ARAP2: variants seen among roughly 807,000 people sequenced by gnomAD.
ARAP2 encodes ArfGAP with RhoGAP domain, ankyrin repeat and PH domain 2.
In ARAP2, 148 loss-of-function variants were observed where a neutral mutation model predicts 194.5. The ratio of observed to expected loss-of-function variants is 0.76; its 90% CI spans 0.67 to 0.87. ARAP2 has a LOEUF of 0.87. Ranked by LOEUF, ARAP2 falls within the 40% of genes least tolerant of loss-of-function variation. The pLI, the probability that ARAP2 is intolerant of heterozygous loss-of-function variation, is 0.00. For synonymous variants in ARAP2, 695 were observed against 683.5 expected (o/e 1.02, Z -0.26); for missense variants, 2,128 against 1,989.7 (o/e 1.07, Z -1.32).
intron 27 of ARAP2, among the ~76,000 whole-genome samples, chr4:36,101,548 G>A (rs532658462): frequency 1.3e-5 from 2 of 151,946 alleles, no homozygotes; most frequent in African/African-American, 4.8e-5. Context: ...TTCAATGAAT[G>A]TATAATTTTC....
At chr4:36,106,781 C>T (rs1718527050) in intron 27 of ARAP2, among the ~76,000 whole-genome samples, 1 of 151,754 alleles carries the variant, frequency 6.6e-6, no homozygotes, top group Non-Finnish European at 1.5e-5. Context: ...TTAAAAAAAA[C>T]TTTAAATGAG....
chr4:36,165,032 A>G lies in ARAP2; in HGVS notation c.2055T>C (p.Tyr685=), dbSNP rs748279792. Residue 685 remains tyrosine, a synonymous_variant, in exon 11 of 33, where the codon TAT becomes TAC. Coordinates refer to ENST00000303965, the MANE Select transcript of ARAP2 (RefSeq NM_015230.4). ...QQSIAETLSD[Y]EVAEKIWFNE... is the part of the protein sequence containing the mutation. The stretch of plus-strand genomic sequence containing the variant: ...TGAACCAAATCTTCTCAGCTACTTC[A>G]TAATCAGAGAGAGTTTCTGCTATTG... 2 of 1,614,114 alleles carry G rather than the reference A, an allele frequency of 1.2e-6. No individual in the cohort carries two copies. Among genetic ancestry groups the G allele is most frequent in the East Asian group, 2.2e-5 (1 of 44,878 alleles).
chr4:36,033,651 A>G (rs1021221244), intron 5 of ARAP2, among the ~76,000 whole-genome samples: 10 of 151,982 alleles, frequency 6.6e-5, no homozygotes, highest in Admixed American at 2.6e-4. Flanking sequence ...CTTAAGTTTA[A>G]TTACATCCCA....
Position 36,228,973 on chromosome 4 carries a change from C to A in ARAP2, c.514G>T (p.Gly172Cys). The stretch of plus-strand genomic sequence containing the variant: ...GATTCTATTTTAATATTGTCACTAC[C>A]AAATAAAGAATCATTCAAAGAACCC... Reference protein sequence around the residue: ...NLGSLNDSLFGSDNIKIESLI... With the variant: ...NLGSLNDSLFCSDNIKIESLI... The change falls in exon 2 of 33, where the codon GGT (glycine) becomes TGT (cysteine). Residue 172 changes from glycine (G) to cysteine (C), a missense_variant. Coordinates refer to ENST00000303965, the MANE Select transcript of ARAP2 (RefSeq NM_015230.4). 6.2e-7 allele frequency: 1 copy of A among 1,614,012 alleles called. No homozygotes were observed. The highest frequency in any genetic ancestry group is 8.5e-7 in the Non-Finnish European group (1 of 1,179,992).
At chr4:36,082,416 C>T in intron 29 of ARAP2, 130 bp from the exon 30 acceptor site, 1 of 911,242 alleles carries the variant, frequency 1.1e-6, no homozygotes, top group East Asian at 2.7e-5. Context: ...AGTGGTGATT[C>T]AATGTGTTGG....
At chr4:36,164,250 C>A (rs1734775015) in intron 11 of ARAP2, among the ~76,000 whole-genome samples, 1 of 152,022 alleles carries the variant, frequency 6.6e-6, no homozygotes, top group Non-Finnish European at 1.5e-5. Context: ...GGGACACAGG[C>A]AGTCCAGGAT....
At position 36,220,937 on chromosome 4, in the gene ARAP2, G is replaced by A. The variant is rs1371934479; in HGVS notation, c.906-6457C>T. Reference sequence around the variant, plus strand: ...ATCTAGTGTAGCCTAAGTGTACAGGGTCTATAACGTCTACAGTGGTGTAAT... The same window carrying A: ...ATCTAGTGTAGCCTAAGTGTACAGGATCTATAACGTCTACAGTGGTGTAAT... On this transcript the variant is annotated intron_variant, in intron 2 of 32. Transcript: ENST00000303965. Among the ~76,000 whole-genome samples the A allele has an allele frequency of 5.3e-5, 8 of 151,968 alleles. 1 individual carries two copies. The highest frequency in any genetic ancestry group is 5.3e-4 in the Admixed American group (8 of 15,238).
At chr4:36,083,553 G>A (rs1345170350) in intron 28 of ARAP2, 103 bp from the exon 29 acceptor site, 2 of 801,456 alleles carry the variant, frequency 2.5e-6, no homozygotes, top group East Asian at 2.9e-5. Context: ...GTTTCTCAGT[G>A]TTTCATAAAA....
At chr4:36,232,197 G>A (rs1301207931) in intron 1 of ARAP2, among the ~76,000 whole-genome samples, 1 of 152,212 alleles carries the variant, frequency 6.6e-6, no homozygotes, top group East Asian at 1.9e-4. Context: ...CAGCAGCTGA[G>A]CTGACTAATA....
chr4:36,131,946 G>A (rs1725549692), intron 20 of ARAP2, among the ~76,000 whole-genome samples: 1 of 151,594 alleles, frequency 6.6e-6, no homozygotes, highest in Non-Finnish European at 1.5e-5. Flanking sequence ...AAATATGTGG[G>A]CCTTATGTAT....
intron 1 of ARAP2, among the ~76,000 whole-genome samples, chr4:36,242,514 G>A (rs1753713634): frequency 6.6e-6 from 1 of 152,106 alleles, no homozygotes; most frequent in South Asian, 2.1e-4. Flanking sequence ...CTATAACCCA[G>A]AATTCTACGT....
intron 21 of ARAP2, among the ~76,000 whole-genome samples, chr4:36,126,172 T>G (rs1404886751): frequency 2.0e-5 from 3 of 151,998 alleles, no homozygotes; most frequent in Non-Finnish European, 2.9e-5. Context: ...CCAAATTACA[T>G]TCAAAGACAT....
chr4:36,150,995 A>G lies in ARAP2; in HGVS notation c.2802T>C (p.Tyr934=), dbSNP rs753656770. 1 of 1,611,956 alleles carries G rather than the reference A, an allele frequency of 6.2e-7. No individual in the cohort carries two copies. Among genetic ancestry groups the G allele is most frequent in the Non-Finnish European group, 8.5e-7 (1 of 1,179,150 alleles). Residue 934 remains tyrosine, a synonymous_variant, in exon 16 of 33, where the codon TAT becomes TAC. Transcript: ENST00000303965. The part of the protein sequence containing the change: ...CVLEGGFLSY[Y]ENDKSTTPNG... ...TAGGTGTGGTAGACTTATCATTTTC[A>G]TAGTAACTCAAGAAGCCTCCTTCCA...
chr4:36,187,144 C>T (rs1373620671), intron 8 of ARAP2, among the ~76,000 whole-genome samples: 1 of 152,176 alleles, frequency 6.6e-6, no homozygotes, highest in Non-Finnish European at 1.5e-5. Context: ...ATCAAAACAA[C>T]ATCTCAAAGG....
chr4:36,076,964 G>A (rs1728394371), intron 31 of ARAP2, among the ~76,000 whole-genome samples: 11 of 152,064 alleles, frequency 7.2e-5, no homozygotes, highest in Admixed American at 7.2e-4. Context: ...AATTGACACA[G>A]GAGTTAAGAA....
intron 7 of ARAP2, among the ~76,000 whole-genome samples, chr4:36,190,933 A>G (rs1450187747): frequency 6.6e-6 from 1 of 152,246 alleles, no homozygotes; most frequent in Non-Finnish European, 1.5e-5. Context: ...TAAAATGGCA[A>G]TACAAGGCCA....
At chr4:36,154,797 G>GA (rs1731847597) in intron 15 of ARAP2, among the ~76,000 whole-genome samples, 2 of 152,208 alleles carry the variant, frequency 1.3e-5, no homozygotes, top group African/African-American at 4.8e-5. Context: ...GTCCTGACAA[G>GA]TGCTGATGGA....
intron 5 of ARAP2, among the ~76,000 whole-genome samples, chr4:36,021,264 TAA>T (rs2109339316): frequency 6.6e-6 from 1 of 152,266 alleles, no homozygotes; most frequent in African/African-American, 2.4e-5. Flanking sequence ...GCAAGAGTGT[TAA>T]GTGTACTAAA....
intron 26 of ARAP2, among the ~76,000 whole-genome samples, chr4:36,113,322 A>G (rs1258661254): frequency 1.3e-5 from 2 of 151,992 alleles, no homozygotes; most frequent in African/African-American, 4.8e-5. Flanking sequence ...ATAACATTGA[A>G]ACATTTTAAA....
Sources: allele counts gnomAD v4.1 joint callset (sites outside exome capture counted in the v4.1 genomes callset), GRCh38; gene constraint gnomAD v4.1.1; transcripts MANE v1.5; gene names NCBI Gene and HGNC (gene_info 2026-07-23, HGNC 2026-07-21).